The following NLRP4 variants were observed in gnomAD, a reference collection of about 807,000 sequenced individuals.
NLRP4 encodes NACHT, LRR and PYD domains-containing protein 4.
NLRP4 carries 44 observed loss-of-function variants against 84.7 expected under a neutral mutation model. The ratio of observed to expected loss-of-function variants is 0.52; its 90% CI spans 0.41 to 0.67. NLRP4 has a LOEUF of 0.67. Among genes scored for constraint, NLRP4 ranks in the 30% least tolerant of loss-of-function variants. The pLI is 0.00. For missense variants in NLRP4, 1,260 were observed against 1,219.4 expected (o/e 1.03, Z -0.50); for synonymous variants, 544 against 476.4 (o/e 1.14, Z -1.85).
At chr19:55,842,347 T>G (rs954052318) in intron 1 of NLRP4, among the ~76,000 whole-genome samples, 4 of 152,182 alleles carry the variant, frequency 2.6e-5, no homozygotes, top group African/African-American at 9.7e-5. Context: ...AGGTTCCTAT[T>G]TCTGTCCTTC....
intron 2 of NLRP4, among the ~76,000 whole-genome samples, chr19:55,854,226 CCT>C (rs1373552538): frequency 3.3e-5 from 5 of 152,172 alleles, no homozygotes; most frequent in African/African-American, 7.2e-5. Context: ...CACACCTCAG[CCT>C]CTCTAAGTAT....
intron 1 of NLRP4, among the ~76,000 whole-genome samples, chr19:55,850,588 T>TA: frequency 1.1e-5 from 1 of 89,390 alleles, no homozygotes; most frequent in African/African-American, 9.2e-5. Flanking sequence ...CGGTGTAATT[T>TA]CCGTGGCTGC....
At chr19:55,854,341 C>T (rs903705923) in intron 2 of NLRP4, among the ~76,000 whole-genome samples, 1 of 152,026 alleles carries the variant, frequency 6.6e-6, no homozygotes, top group Non-Finnish European at 1.5e-5. Context: ...TCCATTTTTT[C>T]TCAATATTTA....
intron 1 of NLRP4, among the ~76,000 whole-genome samples, chr19:55,850,144 A>G (rs1320549994): frequency 8.8e-5 from 10 of 113,712 alleles, no homozygotes; most frequent in African/African-American, 3.0e-4. Flanking sequence ...GCTGCGGTGT[A>G]ATTTCCGAGG....
intron 7 of NLRP4, among the ~76,000 whole-genome samples, chr19:55,872,548 C>T (rs1435348634): frequency 6.6e-6 from 1 of 151,942 alleles, no homozygotes; most frequent in African/African-American, 2.4e-5. Context: ...AATAATACAA[C>T]TAGAAATTAT....
chr19:55,861,259 C>G, intron 3 of NLRP4, 127 bp from the exon 4 acceptor site: 1 of 758,400 alleles, frequency 1.3e-6, no homozygotes, highest in Non-Finnish European at 2.1e-6. Context: ...GGTCCCGTTC[C>G]TTCTGACTGA....
At chr19:55,876,495 C>T (rs1278765251) in intron 7 of NLRP4, among the ~76,000 whole-genome samples, 2 of 152,004 alleles carry the variant, frequency 1.3e-5, no homozygotes, top group African/African-American at 2.4e-5. Flanking sequence ...ACTACAGGCA[C>T]GCATCGCCAT....
intron 1 of NLRP4, among the ~76,000 whole-genome samples, chr19:55,845,939 G>C (rs1434455461): frequency 6.6e-6 from 1 of 151,436 alleles, no homozygotes; most frequent in African/African-American, 2.4e-5. Flanking sequence ...TGTCAGATGA[G>C]TAGGTTGCGA....
chr19:55,862,659 G>T (rs569834363), intron 5 of NLRP4, among the ~76,000 whole-genome samples: 1 of 106,042 alleles, frequency 9.4e-6, no homozygotes, highest in East Asian at 3.7e-4. Flanking sequence ...CACTGATTGG[G>T]TTTCAGAGAA....
intron 8 of NLRP4, among the ~76,000 whole-genome samples, chr19:55,877,768 T>C (rs1985428459): frequency 6.6e-6 from 1 of 152,140 alleles, no homozygotes; most frequent in Non-Finnish European, 1.5e-5. Flanking sequence ...TCCCTCTGTG[T>C]GTGTGTGTCT....
At chr19:55,870,098 C>CA (rs539136027) in intron 6 of NLRP4, among the ~76,000 whole-genome samples, 9,911 of 134,686 alleles carry the variant, frequency 0.074, 742 homozygotes, top group African/African-American at 0.2. Context: ...ACCCTGTCTC[C>CA]AAAAAAAAAA....
rs373210011 is a variant in NLRP4 at position 55,861,402 on chromosome 19, A to G, written c.1873A>G (p.Ile625Val). The change falls in exon 4 of 10, where the codon ATC (isoleucine) becomes GTC (valine). Residue 625 changes from isoleucine (I) to valine (V), a missense_variant. Ile to Val is a conservative substitution (Grantham distance 29). Coordinates refer to ENST00000301295, the MANE Select transcript of NLRP4 (RefSeq NM_134444.5). Reference sequence around the variant, plus strand: ...TGACCACAGGTCGGATTACAGCCTCATCTGTTGGCATCACATCTGCTCTGT... The same window carrying G: ...TGACCACAGGTCGGATTACAGCCTCGTCTGTTGGCATCACATCTGCTCTGT... Reference protein sequence around the residue: ...EHSSTSDYSLICWHHICSVLT... With the variant: ...EHSSTSDYSLVCWHHICSVLT... 9.3e-6 allele frequency: 15 copies of G among 1,613,912 alleles called. No individual in the cohort carries two copies. Among genetic ancestry groups the G allele is most frequent in the African/African-American group, 1.3e-5 (1 of 74,938 alleles).
intron 1 of NLRP4, among the ~76,000 whole-genome samples, chr19:55,840,342 GTA>G (rs1321711615): frequency 2.5e-3 from 196 of 79,664 alleles, no homozygotes; most frequent in African/African-American, 0.014. Context: ...ATGTGTATGT[GTA>G]TGTGTGTGTG....
At chr19:55,845,445 G>C (rs1361246753) in intron 1 of NLRP4, among the ~76,000 whole-genome samples, 2 of 151,560 alleles carry the variant, frequency 1.3e-5, no homozygotes, top group East Asian at 3.9e-4. Context: ...ATTTGGGTTG[G>C]TTCCAAGTCT....
intron 1 of NLRP4, among the ~76,000 whole-genome samples, chr19:55,850,745 C>A (rs367635564): frequency 0.016 from 716 of 45,000 alleles, 174 homozygotes; most frequent in Non-Finnish European, 0.02. Context: ...CTGCGGTGTA[C>A]TTCCCGAGGC....
chr19:55,871,237 CTG>C (rs1985169109), intron 7 of NLRP4, among the ~76,000 whole-genome samples: 1 of 152,100 alleles, frequency 6.6e-6, no homozygotes, highest in Non-Finnish European at 1.5e-5. Flanking sequence ...AGGTAGAGGA[CTG>C]AGAGAGCCGG....
intron 1 of NLRP4, among the ~76,000 whole-genome samples, chr19:55,841,593 T>C (rs1175659337): frequency 1.3e-5 from 2 of 152,206 alleles, no homozygotes; most frequent in Non-Finnish European, 2.9e-5. Context: ...CCGGGTGCGG[T>C]GGCTCATGCC....
At chr19:55,843,030 A>G (rs955661350) in intron 1 of NLRP4, among the ~76,000 whole-genome samples, 1 of 152,162 alleles carries the variant, frequency 6.6e-6, no homozygotes, top group Non-Finnish European at 1.5e-5. Flanking sequence ...AAGTGCTGGG[A>G]TTACAGGCGT....
At chr19:55,849,553 TAGAGTC>T (rs1259124159) in intron 1 of NLRP4, among the ~76,000 whole-genome samples, 2 of 152,008 alleles carry the variant, frequency 1.3e-5, no homozygotes, top group East Asian at 1.9e-4. Flanking sequence ...CCCCACATAA[TAGAGTC>T]AGAGGAAGAG....
Sources: gnomAD v4.1 joint callset for allele counts (sites outside exome capture counted in the v4.1 genomes callset) on GRCh38, gnomAD v4.1.1 for gene constraint, MANE v1.5 for transcripts, NCBI Gene and HGNC (gene_info 2026-07-23, HGNC 2026-07-21) for gene names.